The following DYNC1I1 variants were observed in gnomAD, a reference collection of about 807,000 sequenced individuals.
The protein encoded by DYNC1I1 is cytoplasmic dynein 1 intermediate chain 1.
A neutral mutation model predicts 86.6 loss-of-function variants in DYNC1I1; 43 were observed. The ratio of observed to expected loss-of-function variants is 0.50; its 90% CI spans 0.39 to 0.64. The LOEUF is 0.64. Ranked by LOEUF, DYNC1I1 falls within the 30% of genes least tolerant of loss-of-function variation. The probability of loss-of-function intolerance (pLI) is 0.00; values close to 1 mark genes in which losing one functional copy is unlikely to be tolerated. For missense variants in DYNC1I1, 604 were observed against 788.8 expected (o/e 0.77, Z 2.81); for synonymous variants, 262 against 283.7 (o/e 0.92, Z 0.77).
chr7:95,810,514 A>C lies in DYNC1I1; in HGVS notation c.223+8A>C, dbSNP rs754094624. 63 of 1,608,480 alleles carry C rather than the reference A, an allele frequency of 3.9e-5. No homozygotes were observed. The highest frequency in any genetic ancestry group is 4.8e-5 in the Non-Finnish European group (57 of 1,177,278). ...CACCGGAGCCGCCTCTAGGTACTTA[A>C]AAGTGCTTCCTGTTACTATTCCTCA... On this transcript the variant is annotated splice_region_variant and intron_variant, in intron 3 of 16. Transcript: ENST00000447467.
At chr7:96,063,143 T>G in intron 14 of DYNC1I1, among the ~76,000 whole-genome samples, 1 of 146,602 alleles carries the variant, frequency 6.8e-6, no homozygotes, top group African/African-American at 2.5e-5. Flanking sequence ...ATGTGTGTGT[T>G]TTCTTTCATT....
At chr7:95,833,385 G>C (rs1353343018) in intron 5 of DYNC1I1, among the ~76,000 whole-genome samples, 1 of 150,274 alleles carries the variant, frequency 6.7e-6, no homozygotes, top group Admixed American at 6.6e-5. Context: ...TTGTAGTATA[G>C]TTTGAAGTCA....
chr7:95,801,374 T>C (rs1794574073), intron 1 of DYNC1I1, among the ~76,000 whole-genome samples: 1 of 152,248 alleles, frequency 6.6e-6, no homozygotes, highest in African/African-American at 2.4e-5. Context: ...GAAGAAATTT[T>C]CTGAGAATAC....
intron 6 of DYNC1I1, among the ~76,000 whole-genome samples, chr7:95,953,845 T>G (rs922607894): frequency 2.0e-5 from 3 of 152,190 alleles, no homozygotes; most frequent in African/African-American, 7.2e-5. Flanking sequence ...TGCTGAGATT[T>G]TCCTATTATA....
chr7:96,004,627 C>T (rs1794095785), intron 10 of DYNC1I1, among the ~76,000 whole-genome samples: 1 of 148,724 alleles, frequency 6.7e-6, no homozygotes. Flanking sequence ...CCCAAGTGCT[C>T]ATGCTCACAT....
intron 1 of DYNC1I1, among the ~76,000 whole-genome samples, chr7:95,777,207 G>A (rs1793864436): frequency 6.6e-6 from 1 of 152,178 alleles, no homozygotes; most frequent in Non-Finnish European, 1.5e-5. Context: ...GTCTCCCAGA[G>A]TGGCAGAAGA....
In DYNC1I1 at chr7:95,823,252, C is replaced by A. The variant is rs558337608; in HGVS notation, c.315-4805C>A. Among the ~76,000 whole-genome samples the A allele has an allele frequency of 3.9e-5, 6 of 152,162 alleles. No homozygotes were observed. The South Asian group carries it at 1.2e-3, about 32-fold the overall frequency. ...CCTATCCCCTCCTCCAAGACCAGGTCAAATGGAATCTCTAATCTTTTCAGT... is the reference window on the plus strand; with the variant it reads ...CCTATCCCCTCCTCCAAGACCAGGTAAAATGGAATCTCTAATCTTTTCAGT... On this transcript the variant is annotated intron_variant, in intron 4 of 16. Coordinates refer to ENST00000447467, the MANE Select transcript of DYNC1I1 (RefSeq NM_001135556.2).
At chr7:95,881,914 AATTT>A (rs1305739775) in intron 6 of DYNC1I1, among the ~76,000 whole-genome samples, 6 of 152,134 alleles carry the variant, frequency 3.9e-5, no homozygotes, top group African/African-American at 1.4e-4. Flanking sequence ...ATGAGTTTAT[AATTT>A]ATTTACTGTT....
At chr7:96,095,276 C>G (rs1790968117) in intron 16 of DYNC1I1, among the ~76,000 whole-genome samples, 1 of 152,086 alleles carries the variant, frequency 6.6e-6, no homozygotes, top group South Asian at 2.1e-4. Context: ...CCTTAATGTT[C>G]CATAATCTTT....
chr7:95,821,908 C>T (rs529140133), intron 4 of DYNC1I1, among the ~76,000 whole-genome samples: 10 of 152,238 alleles, frequency 6.6e-5, no homozygotes, highest in African/African-American at 2.4e-4. Context: ...TTAACTACTG[C>T]CTTCCAAATA....
At chr7:96,052,693 G>C (rs1584280869) in intron 14 of DYNC1I1, among the ~76,000 whole-genome samples, 1 of 152,144 alleles carries the variant, frequency 6.6e-6, no homozygotes, top group African/African-American at 2.4e-5. Context: ...CTTTAGTAAG[G>C]CTGGAGCAGT....
At chr7:96,071,800 C>G (rs1204720754) in intron 14 of DYNC1I1, among the ~76,000 whole-genome samples, 1 of 152,134 alleles carries the variant, frequency 6.6e-6, no homozygotes. Context: ...TAAACTGTTT[C>G]TACAAGTTAC....
At chr7:95,960,714 T>G (rs527564751) in intron 6 of DYNC1I1, among the ~76,000 whole-genome samples, 99 of 152,270 alleles carry the variant, frequency 6.5e-4, no homozygotes, top group Non-Finnish European at 6.5e-4. Context: ...AAAGTTTGAC[T>G]CCTCCTTAAA....
At chr7:96,040,560 A>G (rs1487225652) in intron 14 of DYNC1I1, among the ~76,000 whole-genome samples, 2 of 152,104 alleles carry the variant, frequency 1.3e-5, no homozygotes, top group Non-Finnish European at 2.9e-5. Flanking sequence ...GGGGAAGGAC[A>G]TGCTGGGGCA....
At chr7:96,087,607 G>A (rs1443573048) in intron 16 of DYNC1I1, among the ~76,000 whole-genome samples, 1 of 152,146 alleles carries the variant, frequency 6.6e-6, no homozygotes, top group African/African-American at 2.4e-5. Context: ...CCTTGAAAAA[G>A]AAAAGACTTA....
intron 1 of DYNC1I1, among the ~76,000 whole-genome samples, chr7:95,797,789 A>G (rs1024104533): frequency 2.0e-5 from 3 of 152,210 alleles, no homozygotes; most frequent in Non-Finnish European, 4.4e-5. Flanking sequence ...TTCAGATTAC[A>G]TATCTGTGTG....
chr7:96,001,282 CTT>C (rs1794005572), intron 10 of DYNC1I1, among the ~76,000 whole-genome samples: 1 of 152,162 alleles, frequency 6.6e-6, no homozygotes, highest in South Asian at 2.1e-4. Flanking sequence ...TTGTCCCTCC[CTT>C]CCCTGCAATA....
rs116831448 is a variant in DYNC1I1, at chr7:95,975,635, A to G, written c.491-1877A>G. On this transcript the variant is annotated intron_variant, in intron 6 of 16. Coordinates refer to ENST00000447467, the MANE Select transcript of DYNC1I1 (RefSeq NM_001135556.2). ...GCCACATTCTGAGGTACTGGGGTTT[A>G]TTACTTCAACATATGAATTTTGGGG... 9.5e-3 allele frequency among the ~76,000 whole-genome samples: 1,450 copies of G among 152,264 alleles called. 32 individuals are homozygous for G. Among genetic ancestry groups the G allele is most frequent in the African/African-American group, 0.032 (1,346 of 41,548 alleles).
chr7:95,828,452 A>G (rs1372489326), intron 5 of DYNC1I1, among the ~76,000 whole-genome samples: 2 of 152,098 alleles, frequency 1.3e-5, no homozygotes, highest in African/African-American at 2.4e-5. Context: ...TATCATCACC[A>G]TCCTCCCCTT....
Sources: gnomAD v4.1 joint callset for allele counts (sites outside exome capture counted in the v4.1 genomes callset) on GRCh38, gnomAD v4.1.1 for gene constraint, MANE v1.5 for transcripts, NCBI Gene and HGNC (gene_info 2026-07-23, HGNC 2026-07-21) for gene names.